Variants in ANTXR1 observed in about 807,000 individuals in gnomAD.
ANTXR1 encodes the protein anthrax toxin receptor 1.
ANTXR1 carries 19 observed loss-of-function variants against 78.1 expected under a neutral mutation model. The ratio of observed to expected loss-of-function variants is 0.24; its 90% CI spans 0.17 to 0.36. The LOEUF (loss-of-function observed/expected upper bound fraction) is 0.36. Among genes scored for constraint, ANTXR1 ranks in the 10% least tolerant of loss-of-function variants. The pLI, the probability that ANTXR1 is intolerant of heterozygous loss-of-function variation, is 1.00. For synonymous variants in ANTXR1, 273 were observed against 260.5 expected (o/e 1.05, Z -0.46); for missense variants, 518 against 718.6 (o/e 0.72, Z 3.19).
At position 69,013,540 on chromosome 2, in the gene ANTXR1, A is replaced by G; in HGVS notation, c.41A>G (p.Gln14Arg). Residue 14 changes from glutamine (Q) to arginine (R), a missense_variant, in exon 1 of 18, where the codon CAG becomes CGG. Coordinates refer to ENST00000303714, the MANE Select transcript of ANTXR1 (RefSeq NM_032208.3). The surrounding 1 kb of genome is among the most constrained non-coding windows in gnomAD (Gnocchi z 5.0). ...AERRALGIGF[Q>R]WLSLATLVLI... The stretch of plus-strand genomic sequence containing the variant: ...CGGAGAGCCCTCGGCATCGGCTTCC[A>G]GTGGCTCTCTTTGGCCACTCTGGTG... 6.3e-7 allele frequency: 1 copy of G among 1,583,944 alleles called. No homozygotes were observed. Among genetic ancestry groups the G allele is most frequent in the Non-Finnish European group, 8.6e-7 (1 of 1,166,484 alleles).
chr2:69,013,801 G>A lies in ANTXR1; in HGVS notation c.152+150G>A. 7.3e-7 allele frequency: 1 copy of A among 1,377,084 alleles called. No homozygotes were observed. The highest frequency in any genetic ancestry group is 1.0e-6 in the Non-Finnish European group (1 of 997,548). 85.3% of individuals were successfully genotyped at this position (1,377,084 alleles called of 1,614,324 possible). A position where few individuals can be genotyped will look rare whatever the true frequency, so the allele number is the denominator to read the frequency against. On this transcript the variant is annotated intron_variant, in intron 1 of 17. Coordinates refer to ENST00000303714, the MANE Select transcript of ANTXR1 (RefSeq NM_032208.3). The surrounding 1 kb of genome is among the most constrained non-coding windows in gnomAD (Gnocchi z 5.0). ...GCGCGGCAGGCGGCGGCGGAGTGCT[G>A]CGCCTTTGTTGGGGCGCGCTCCTCC...
intron 3 of ANTXR1, among the ~76,000 whole-genome samples, chr2:69,060,723 T>C (rs1045539273): frequency 6.6e-6 from 1 of 152,164 alleles, no homozygotes; most frequent in Admixed American, 6.5e-5. Context: ...ATTGGTAACA[T>C]AGCGGGCCTT....
At chr2:69,132,429 A>C (rs1672778334) in intron 12 of ANTXR1, among the ~76,000 whole-genome samples, 1 of 152,204 alleles carries the variant, frequency 6.6e-6, no homozygotes. Context: ...AGAGAATACA[A>C]ATCCAGCCTG....
chr2:69,118,934 T>C (rs968650986), intron 10 of ANTXR1, among the ~76,000 whole-genome samples: 11 of 151,962 alleles, frequency 7.2e-5, no homozygotes, highest in African/African-American at 2.7e-4. Flanking sequence ...AAATGCCAGC[T>C]CCACAGAGCA....
intron 12 of ANTXR1, chr2:69,146,348 G>A (rs1673226266): frequency 3.8e-5 from 37 of 985,340 alleles, no homozygotes; most frequent in Non-Finnish European, 4.3e-5. Context: ...TAAAGGCCAT[G>A]TTGATTGATT....
chr2:69,190,862 T>C (rs1261127480), intron 16 of ANTXR1, among the ~76,000 whole-genome samples: 1 of 152,232 alleles, frequency 6.6e-6, no homozygotes, highest in Non-Finnish European at 1.5e-5. Context: ...ATTAATGTGT[T>C]CCTTCAACAG....
At chr2:69,103,039 C>A (rs749684654) in intron 10 of ANTXR1, 99 bp downstream of exon 10, 2 of 1,202,598 alleles carry the variant, frequency 1.7e-6, no homozygotes, top group Non-Finnish European at 2.5e-6. Flanking sequence ...ATGAAACCAG[C>A]AGAAAAGAGT....
chr2:69,116,465 C>G (rs1672146247), intron 10 of ANTXR1, among the ~76,000 whole-genome samples: 1 of 152,202 alleles, frequency 6.6e-6, no homozygotes, highest in South Asian at 2.1e-4. Context: ...TAGAAATATT[C>G]AGCCTAACTC....
At chr2:69,044,923 T>C in intron 3 of ANTXR1, 110 bp downstream of exon 3, 1 of 1,090,534 alleles carries the variant, frequency 9.2e-7, no homozygotes, top group South Asian at 1.3e-5. Context: ...AATCTAATAG[T>C]TCCTTCTTTT....
At chr2:69,057,352 G>A (rs1455786712) in intron 3 of ANTXR1, among the ~76,000 whole-genome samples, 1 of 152,200 alleles carries the variant, frequency 6.6e-6, no homozygotes, top group Non-Finnish European at 1.5e-5. Context: ...TGGCAACCAT[G>A]ATTTGAGCAA....
chr2:69,151,404 C>T (rs988304888), intron 12 of ANTXR1, among the ~76,000 whole-genome samples: 8 of 152,058 alleles, frequency 5.3e-5, no homozygotes, highest in African/African-American at 1.7e-4. Flanking sequence ...GACTTAGACC[C>T]GTGTTCCTAA....
intron 8 of ANTXR1, among the ~76,000 whole-genome samples, chr2:69,079,556 G>A (rs1162219724): frequency 2.6e-5 from 4 of 152,126 alleles, no homozygotes; most frequent in Non-Finnish European, 5.9e-5. Context: ...GACAGTTTGG[G>A]TAAAGGAGTC....
intron 12 of ANTXR1, among the ~76,000 whole-genome samples, chr2:69,143,823 G>A (rs1367892558): frequency 6.6e-6 from 1 of 152,118 alleles, no homozygotes; most frequent in Non-Finnish European, 1.5e-5. Context: ...AAGCCCATGA[G>A]GAAAGTGGAA....
intron 17 of ANTXR1, among the ~76,000 whole-genome samples, chr2:69,237,509 T>C (rs982431239): frequency 1.3e-5 from 2 of 152,186 alleles, no homozygotes; most frequent in African/African-American, 2.4e-5. Flanking sequence ...TGATAGCCCA[T>C]TGCAGCCTCA....
chr2:69,040,789 G>A (rs1019346076), intron 2 of ANTXR1, among the ~76,000 whole-genome samples: 3 of 152,210 alleles, frequency 2.0e-5, no homozygotes, highest in Admixed American at 1.3e-4. Context: ...CTTTCATAGA[G>A]TGCTTGAAGC....
intron 17 of ANTXR1, among the ~76,000 whole-genome samples, chr2:69,203,444 C>T (rs1445641927): frequency 6.6e-6 from 1 of 152,188 alleles, no homozygotes; most frequent in Middle Eastern, 3.2e-3. Flanking sequence ...AAAACACTCT[C>T]TGTCCACAGC....
chr2:69,222,879 T>G (rs1281051079), intron 17 of ANTXR1, among the ~76,000 whole-genome samples: 1 of 152,244 alleles, frequency 6.6e-6, no homozygotes, highest in African/African-American at 2.4e-5. Flanking sequence ...TCTGCATAAA[T>G]TACAGTTTTG....
At chr2:69,078,317 G>A (rs763181845) in intron 8 of ANTXR1, among the ~76,000 whole-genome samples, 2 of 152,216 alleles carry the variant, frequency 1.3e-5, no homozygotes, top group African/African-American at 2.4e-5. Context: ...TTGTGATCAG[G>A]CAGGCATCTG....
chr2:69,212,988 G>A (rs1675084132), intron 17 of ANTXR1, among the ~76,000 whole-genome samples: 1 of 107,050 alleles, frequency 9.3e-6, no homozygotes, highest in South Asian at 2.9e-4. Context: ...TTTTTTTTTG[G>A]TAGAGAGAGG....
Sources: allele counts gnomAD v4.1 joint callset (sites outside exome capture counted in the v4.1 genomes callset), GRCh38; gene constraint gnomAD v4.1.1; non-coding constraint Gnocchi (gnomAD v3.1); transcripts MANE v1.5; gene names NCBI Gene and HGNC (gene_info 2026-07-23, HGNC 2026-07-21).